ATG14: variants seen among roughly 807,000 people sequenced by gnomAD.
The protein encoded by ATG14 is autophagy related 14.
Under a neutral mutation model 60.4 loss-of-function variants are expected in ATG14, and 35 were observed. That is an observed-to-expected ratio of 0.58 (90% CI 0.44 to 0.77). ATG14 has a LOEUF of 0.77. ATG14 is among the 30% of genes least tolerant of loss of function. The pLI is 0.00. For missense variants in ATG14, 647 were observed against 626.3 expected, an observed-to-expected ratio of 1.03 and a Z score of -0.35; for synonymous variants, 234 against 228.8, an observed-to-expected ratio of 1.02 and a Z score of -0.21.
chr14:55,390,364 C>T (rs1188810731), intron 4 of ATG14, among the ~76,000 whole-genome samples: 1 of 151,734 alleles, frequency 6.6e-6, no homozygotes, highest in Non-Finnish European at 1.5e-5. Flanking sequence ...AGCCACCGTG[C>T]CTGGCCAACT....
chr14:55,396,030 C>A, intron 2 of ATG14, 48 bp from the exon 3 acceptor site: 1 of 1,430,550 alleles, frequency 7.0e-7, no homozygotes, highest in African/African-American at 1.5e-5. Context: ...TAATAAAATT[C>A]TGTGAAGTTC....
chr14:55,374,784 C>T (rs190707876), intron 9 of ATG14, among the ~76,000 whole-genome samples: 4 of 152,320 alleles, frequency 2.6e-5, no homozygotes, highest in Admixed American at 6.5e-5. Flanking sequence ...TCTGATTCAA[C>T]GCCTCCTCTA....
chr14:55,409,093 G>A (rs576224335), intron 1 of ATG14, among the ~76,000 whole-genome samples: 2 of 152,346 alleles, frequency 1.3e-5, no homozygotes, highest in East Asian at 3.9e-4. Context: ...TACGTAGTCA[G>A]GAGAGAAATG....
chr14:55,403,684 TCAACAA>T lies in ATG14; in HGVS notation c.222-6256_222-6251del, dbSNP rs912405759. 3.0e-4 allele frequency among the ~76,000 whole-genome samples: 45 copies of T among 151,994 alleles called. No individual in the cohort carries two copies. The East Asian group carries it at 7.7e-3, about 26-fold the overall frequency. ...GTTAAATGACAAAACAACAACAACA[TCAACAA>T]CAACAACGAACCAGCAAAATAGTAT... On this transcript the variant is annotated intron_variant, in intron 1 of 9. Coordinates refer to ENST00000247178, the MANE Select transcript of ATG14 (RefSeq NM_014924.5).
chr14:55,380,458 T>C, intron 7 of ATG14, 115 bp downstream of exon 7: 1 of 690,628 alleles, frequency 1.4e-6, no homozygotes, highest in Non-Finnish European at 2.5e-6. Context: ...AATCCGACCT[T>C]CTCTGTCTTG....
intron 1 of ATG14, among the ~76,000 whole-genome samples, chr14:55,402,057 CA>C (rs751689982): frequency 1.3e-5 from 2 of 152,168 alleles, no homozygotes; most frequent in Non-Finnish European, 2.9e-5. Flanking sequence ...TCAGACAATT[CA>C]CATAAATCTG....
chr14:55,397,709 G>A (rs1254848223), intron 1 of ATG14, among the ~76,000 whole-genome samples: 3 of 152,126 alleles, frequency 2.0e-5, no homozygotes. Flanking sequence ...TGTCAAAACA[G>A]GCACATCAGA....
chr14:55,370,691 G>A (rs979609330), intron 9 of ATG14, among the ~76,000 whole-genome samples: 3 of 151,770 alleles, frequency 2.0e-5, no homozygotes, highest in African/African-American at 7.3e-5. Flanking sequence ...GCCCAGGCTG[G>A]AGTGCAGTGG....
rs1477869067 is a variant in ATG14, at chr14:55,381,945, G to C, written c.877+17C>G. 1 of 1,593,326 alleles carries C rather than the reference G, an allele frequency of 6.3e-7. No individual in the cohort carries two copies. The highest frequency in any genetic ancestry group is 8.6e-7 in the Non-Finnish European group (1 of 1,161,366). ...CTCTCTCTATATATAGATTTCAAAG[G>C]ATATGCTGCTTCTCACCAGGCCCCT... On this transcript the variant is annotated intron_variant, in intron 6 of 9. Coordinates refer to ENST00000247178, the MANE Select transcript of ATG14 (RefSeq NM_014924.5).
At chr14:55,387,730 T>C (rs959258465) in intron 4 of ATG14, among the ~76,000 whole-genome samples, 1 of 152,018 alleles carries the variant, frequency 6.6e-6, no homozygotes, top group Non-Finnish European at 1.5e-5. Flanking sequence ...AATGCAGTGG[T>C]GCATCTCGGC....
chr14:55,384,556 T>A (rs1885090954), intron 5 of ATG14, among the ~76,000 whole-genome samples: 1 of 152,240 alleles, frequency 6.6e-6, no homozygotes, highest in South Asian at 2.1e-4. Flanking sequence ...ATCTGCCTTT[T>A]TATTTTTCTA....
chr14:55,410,975 C>A (rs544293490), intron 1 of ATG14, among the ~76,000 whole-genome samples: 3 of 152,320 alleles, frequency 2.0e-5, no homozygotes, highest in African/African-American at 7.2e-5. Context: ...ATTCTCTTAA[C>A]TAAAAGCATG....
intron 1 of ATG14, 33 bp downstream of exon 1, chr14:55,411,569 G>C (rs774875905): frequency 1.3e-6 from 2 of 1,576,690 alleles, no homozygotes; most frequent in Admixed American, 1.8e-5. Flanking sequence ...ACACACAGCA[G>C]AAGAAACAAT....
chr14:55,399,637 A>T (rs1253155758), intron 1 of ATG14, among the ~76,000 whole-genome samples: 1 of 152,256 alleles, frequency 6.6e-6, no homozygotes, highest in African/African-American at 2.4e-5. Context: ...GTTTCCTTGT[A>T]TCAAAAATGA....
intron 9 of ATG14, 119 bp from the exon 10 acceptor site, chr14:55,370,044 T>TC: frequency 1.1e-6 from 1 of 934,642 alleles, no homozygotes; most frequent in Non-Finnish European, 1.6e-6. Context: ...CCCCATTCAT[T>TC]CCCCAAGTCT....
chr14:55,379,428 G>C (rs1594777563), intron 7 of ATG14, among the ~76,000 whole-genome samples: 1 of 152,200 alleles, frequency 6.6e-6, no homozygotes, highest in East Asian at 1.9e-4. Flanking sequence ...TGTGGTCCCA[G>C]CAACTCGGGA....
Position 55,385,841 on chromosome 14 carries a change from A to T in ATG14, c.647+18T>A. 1 of 1,578,466 alleles carries T rather than the reference A, an allele frequency of 6.3e-7. No individual in the cohort carries two copies. The stretch of plus-strand genomic sequence containing the variant: ...GAACTTGATCTATTCCTGGAGTCAA[A>T]AGACTTGCTTAATGTACCTCACACC... On this transcript the variant is annotated intron_variant, in intron 5 of 9. Transcript: ENST00000247178.
intron 1 of ATG14, among the ~76,000 whole-genome samples, chr14:55,409,138 G>T (rs1347197003): frequency 3.9e-5 from 6 of 152,226 alleles, no homozygotes; most frequent in African/African-American, 1.4e-4. Flanking sequence ...ATAGATTCAA[G>T]ATATATTTTC....
chr14:55,391,471 T>TAAAAAAA (rs746307684), intron 3 of ATG14, among the ~76,000 whole-genome samples: 838 of 75,696 alleles, frequency 0.011, 16 homozygotes, highest in South Asian at 0.028. Flanking sequence ...TGAGACTCCA[T>TAAAAAAA]AAAAAAAAAA....
Sources: gnomAD v4.1 joint callset for allele counts (sites outside exome capture counted in the v4.1 genomes callset) on GRCh38, gnomAD v4.1.1 for gene constraint, MANE v1.5 for transcripts, NCBI Gene and HGNC (gene_info 2026-07-23, HGNC 2026-07-21) for gene names.